Variants in PLA2G15 observed in about 807,000 individuals in gnomAD.
The protein encoded by PLA2G15 is lysosomal phospholipase A and acyltransferase.
Under a neutral mutation model 40.9 loss-of-function variants are expected in PLA2G15, and 20 were observed. That is an observed-to-expected ratio of 0.49 (90% CI 0.34 to 0.71). The LOEUF (loss-of-function observed/expected upper bound fraction) is 0.71, where lower values mean the gene tolerates loss of function less well. Among genes scored for constraint, PLA2G15 ranks in the 30% least tolerant of loss-of-function variants. The probability of loss-of-function intolerance (pLI) is 0.01; values close to 1 mark genes in which losing one functional copy is unlikely to be tolerated. For missense variants in PLA2G15, 471 were observed against 541.9 expected (o/e 0.87, Z 1.30); for synonymous variants, 223 against 228.2 (o/e 0.98, Z 0.21).
Position 68,259,663 on chromosome 16 carries a change from G to A in PLA2G15, c.*6G>A. On this transcript the variant is annotated 3_prime_UTR_variant, in exon 6 of 6. Transcript: ENST00000219345. The surrounding 1 kb of genome is among the most constrained non-coding windows in gnomAD (Gnocchi z 6.5). ...GTGTGCTCCTTGGGCCCTGACTCCTGTGCCACAGGACTCCTGTGGCTCGGC... is the reference window on the plus strand; with the variant it reads ...GTGTGCTCCTTGGGCCCTGACTCCTATGCCACAGGACTCCTGTGGCTCGGC... The A allele has an allele frequency of 6.2e-7, 1 of 1,607,928 alleles. No homozygotes were observed. Among genetic ancestry groups the A allele is most frequent in the South Asian group, 1.1e-5 (1 of 90,894 alleles).
At chr16:68,250,847 G>A (rs1877233940) in intron 2 of PLA2G15, among the ~76,000 whole-genome samples, 1 of 152,166 alleles carries the variant, frequency 6.6e-6, no homozygotes, top group Non-Finnish European at 1.5e-5. Context: ...TACCCAGCCT[G>A]GGTTGCAGAG....
intron 1 of PLA2G15, among the ~76,000 whole-genome samples, chr16:68,247,055 C>G (rs1301275237): frequency 6.6e-6 from 1 of 152,146 alleles, no homozygotes; most frequent in Non-Finnish European, 1.5e-5. Flanking sequence ...TATCCTTGGT[C>G]ACAGCAGAAG....
intron 2 of PLA2G15, 76 bp downstream of exon 2, chr16:68,249,522 A>C (rs984817948): frequency 3.1e-5 from 43 of 1,392,052 alleles, no homozygotes; most frequent in Non-Finnish European, 4.1e-5. Context: ...TGTTCCTTCT[A>C]TCCTCATCTC....
At position 68,259,705 on chromosome 16, in the gene PLA2G15, G is replaced by A. The variant is rs1265050201; in HGVS notation, c.*48G>A. Reference sequence around the variant, plus strand: ...TGGCTCGGCCGTGGACCTGCTGTTGGCCTCTGGGGCTGTCATGGCCCACGC... The same window carrying A: ...TGGCTCGGCCGTGGACCTGCTGTTGACCTCTGGGGCTGTCATGGCCCACGC... On this transcript the variant is annotated 3_prime_UTR_variant, in exon 6 of 6. Transcript: ENST00000219345. This position sits in a 1 kb window ranked among gnomAD's most constrained non-coding sequence, Gnocchi z 6.5. 2.5e-6 allele frequency: 4 copies of A among 1,572,522 alleles called. No individual in the cohort carries two copies. The South Asian group carries it at 4.6e-5, about 18-fold the overall frequency.
intron 2 of PLA2G15, chr16:68,252,661 A>G: frequency 4.4e-6 from 2 of 450,100 alleles, no homozygotes; most frequent in Non-Finnish European, 8.9e-6. Context: ...GTGGTAATTT[A>G]TTACACAGTT....
chr16:68,254,254 AGTAT>A (rs2042381472), intron 2 of PLA2G15: 1 of 151,960 alleles, frequency 6.6e-6, no homozygotes, highest in African/African-American at 2.4e-5. Context: ...ATTTGGAGTA[AGTAT>A]GCCTTGGTGG....
intron 5 of PLA2G15, among the ~76,000 whole-genome samples, chr16:68,257,614 G>A (rs2042412838): frequency 6.6e-6 from 1 of 152,218 alleles, no homozygotes; most frequent in South Asian, 2.1e-4. Context: ...AGCCAGGGCT[G>A]TGCCAAGCAT....
At chr16:68,251,737 A>G (rs542921031) in intron 2 of PLA2G15, among the ~76,000 whole-genome samples, 3 of 151,986 alleles carry the variant, frequency 2.0e-5, no homozygotes, top group Non-Finnish European at 4.4e-5. Context: ...GCACACGCCC[A>G]TGATCCCAGC....
At chr16:68,252,125 C>T (rs2042359916) in intron 2 of PLA2G15, among the ~76,000 whole-genome samples, 1 of 152,176 alleles carries the variant, frequency 6.6e-6, no homozygotes, top group Admixed American at 6.5e-5. Flanking sequence ...AGATTTTCAC[C>T]CAGCGCAGAA....
At chr16:68,257,814 C>CCCCGG (rs1441384096) in intron 5 of PLA2G15, among the ~76,000 whole-genome samples, 2 of 152,328 alleles carry the variant, frequency 1.3e-5, no homozygotes, top group East Asian at 3.9e-4. Flanking sequence ...AGACAGGTAG[C>CCCCGG]CCCGGCCCCT....
In PLA2G15 at chr16:68,259,589, G is replaced by A. The variant is rs771869121; in HGVS notation, c.1171G>A (p.Glu391Lys). The A allele has an allele frequency of 1.9e-6, 3 of 1,613,386 alleles. No homozygotes were observed. The highest frequency in any genetic ancestry group is 1.1e-5 in the South Asian group (1 of 91,088). The change falls in exon 6 of 6, where the codon GAG becomes AAG. Residue 391 changes from glutamate to lysine, a missense_variant. Physicochemically the swap from Glu to Lys is moderately conservative, Grantham distance 56 (BLOSUM62 1). Coordinates refer to ENST00000219345, the MANE Select transcript of PLA2G15 (RefSeq NM_012320.4). This position sits in a 1 kb window ranked among gnomAD's most constrained non-coding sequence, Gnocchi z 6.5. Reference sequence around the variant, plus strand: ...GTTGCTGCAGGAGCTGCCAGGCAGCGAGCACATCGAGATGCTGGCCAACGC... The same window carrying A: ...GTTGCTGCAGGAGCTGCCAGGCAGCAAGCACATCGAGATGCTGGCCAACGC... ...QVLLQELPGS[E>K]HIEMLANATT...
Position 68,255,657 on chromosome 16 carries a change from G to A in PLA2G15, c.503-109G>A. ...GGGACCCAGACCGCTCTGTTTGAAT[G>A]TGAGCACCCTCCCCTCCCCCTCTCG... On this transcript the variant is annotated intron_variant, in intron 4 of 5. Coordinates refer to ENST00000219345, the MANE Select transcript of PLA2G15 (RefSeq NM_012320.4). This position sits in a 1 kb window ranked among gnomAD's most constrained non-coding sequence, Gnocchi z 5.9. 2.2e-6 allele frequency: 2 copies of A among 900,910 alleles called. No homozygotes were observed. Among genetic ancestry groups the A allele is most frequent in the Non-Finnish European group, 1.8e-6 (1 of 556,110 alleles). The allele number at this position is 900,910 out of a possible 1,614,324, so 55.8% of individuals were successfully genotyped here.
chr16:68,247,634 G>A (rs1417484887), intron 1 of PLA2G15, among the ~76,000 whole-genome samples: 2 of 152,216 alleles, frequency 1.3e-5, no homozygotes, highest in Admixed American at 6.5e-5. Context: ...TCCAGAGGCT[G>A]TCATGACAGG....
intron 2 of PLA2G15, chr16:68,254,428 T>C (rs10852439): frequency 0.25 from 38,507 of 153,054 alleles, 6,162 homozygotes; most frequent in African/African-American, 0.45. Context: ...ACAACCTCCG[T>C]GTCACAGGTT....
intron 5 of PLA2G15, 43 bp downstream of exon 5, chr16:68,256,033 A>G: frequency 1.5e-6 from 2 of 1,322,012 alleles, no homozygotes; most frequent in East Asian, 2.4e-5. Context: ...GTTGCCAGGA[A>G]TTCTGCCCTC....
Position 68,259,293 on chromosome 16 carries a change from T to C in PLA2G15, c.875T>C (p.Leu292Pro). 2.5e-6 allele frequency: 4 copies of C among 1,614,040 alleles called. No individual in the cohort carries two copies. Among genetic ancestry groups the C allele is most frequent in the Non-Finnish European group, 3.4e-6 (4 of 1,180,026 alleles). The change falls in exon 6 of 6, where the codon CTG becomes CCG. Residue 292 changes from leucine to proline, a missense_variant. Physicochemically the swap from Leu to Pro is moderately conservative, Grantham distance 98. Transcript: ENST00000219345. The surrounding 1 kb of genome is among the most constrained non-coding windows in gnomAD (Gnocchi z 6.5). ...CAGACACCCACAATCAACTACACAC[T>C]GCGGGACTACCGCAAGTTCTTCCAG... ...FVQTPTINYT[L>P]RDYRKFFQDI...
Position 68,255,804 on chromosome 16 carries a change from A to G in PLA2G15, c.541A>G (p.Ile181Val). ...CTACTTCCTGGCCCTCCGCGAGATG[A>G]TCGAGGAGATGTACCAGCTGTATGG... is the stretch of plus-strand genomic sequence containing the variant. ...GPYFLALREM[I>V]EEMYQLYGGP... Residue 181 changes from isoleucine to valine, a missense_variant, in exon 5 of 6, where the codon ATC becomes GTC. By Grantham distance (29) the Ile-to-Val change is conservative. Coordinates refer to ENST00000219345, the MANE Select transcript of PLA2G15 (RefSeq NM_012320.4). This position sits in a 1 kb window ranked among gnomAD's most constrained non-coding sequence, Gnocchi z 5.9. The G allele has an allele frequency of 6.2e-7, 1 of 1,614,138 alleles. No individual in the cohort carries two copies. Among genetic ancestry groups the G allele is most frequent in the East Asian group, 2.2e-5 (1 of 44,880 alleles).
At chr16:68,248,625 G>T (rs149201520) in intron 1 of PLA2G15, 4,596 of 393,314 alleles carry the variant, frequency 0.012, 59 homozygotes, top group Non-Finnish European at 0.013. Flanking sequence ...GACCGCAAGT[G>T]ATCCACTCAC....
chr16:68,258,720 T>G, intron 5 of PLA2G15: 1 of 159,636 alleles, frequency 6.3e-6, no homozygotes, highest in Non-Finnish European at 1.4e-5. Flanking sequence ...GAGGTGGAGG[T>G]TGTAGTGAGC....
Sources: allele counts gnomAD v4.1 joint callset (sites outside exome capture counted in the v4.1 genomes callset), GRCh38; gene constraint gnomAD v4.1.1; non-coding constraint Gnocchi (gnomAD v3.1); transcripts MANE v1.5; gene names NCBI Gene and HGNC (gene_info 2026-07-23, HGNC 2026-07-21).